NRXN1: variants seen among roughly 807,000 people sequenced by gnomAD.
NRXN1 encodes the protein neurexin-1.
Under a neutral mutation model 150.9 loss-of-function variants are expected in NRXN1, and 39 were observed. The observed-to-expected ratio is 0.26, with a 90% CI of 0.20 to 0.34. The LOEUF (loss-of-function observed/expected upper bound fraction) is 0.34, where lower values mean the gene tolerates loss of function less well. NRXN1 is among the 10% of genes least tolerant of loss of function. NRXN1 has a pLI of 1.00. For synonymous variants in NRXN1, 924 were observed against 757.0 expected, an observed-to-expected ratio of 1.22 and a Z score of -3.62; for missense variants, 1,815 against 1,949.9, an observed-to-expected ratio of 0.93 and a Z score of 1.30.
chr2:50,984,696 G>T (rs1697412237), intron 2 of NRXN1, among the ~76,000 whole-genome samples: 1 of 151,990 alleles, frequency 6.6e-6, no homozygotes, highest in African/African-American at 2.4e-5. Context: ...ATATTGCCCT[G>T]TATCTTTAAT....
chr2:49,975,047 C>T (rs1678705875), intron 21 of NRXN1, among the ~76,000 whole-genome samples: 4 of 151,056 alleles, frequency 2.6e-5, no homozygotes, highest in Admixed American at 1.3e-4. Context: ...ACTGTAATAA[C>T]AGATATGTTT....
chr2:50,606,158 A>C (rs1573757603), intron 8 of NRXN1, among the ~76,000 whole-genome samples: 1 of 151,350 alleles, frequency 6.6e-6, no homozygotes, highest in South Asian at 2.1e-4. Context: ...GCTGAGGCAG[A>C]AGAATGGTTG....
chr2:50,405,068 C>A (rs1381759927), intron 17 of NRXN1, among the ~76,000 whole-genome samples: 2 of 152,092 alleles, frequency 1.3e-5, no homozygotes, highest in Non-Finnish European at 2.9e-5. Context: ...AAGAGGGGAG[C>A]TTAAAAATGA....
intron 17 of NRXN1, among the ~76,000 whole-genome samples, chr2:50,398,594 G>T (rs2082194702): frequency 6.6e-6 from 1 of 152,138 alleles, no homozygotes; most frequent in Non-Finnish European, 1.5e-5. Flanking sequence ...ATAAAACTGG[G>T]AAGGAGCTTC....
chr2:50,331,743 A>G (rs1280578783), intron 17 of NRXN1, among the ~76,000 whole-genome samples: 1 of 152,184 alleles, frequency 6.6e-6, no homozygotes, highest in Non-Finnish European at 1.5e-5. Flanking sequence ...CTCTGAATAG[A>G]AACCATCACT....
At chr2:50,564,836 CAT>C (rs1450247344) in intron 8 of NRXN1, among the ~76,000 whole-genome samples, 7 of 152,158 alleles carry the variant, frequency 4.6e-5, no homozygotes, top group African/African-American at 1.2e-4. Context: ...GAAAGTCCCA[CAT>C]GATTCAGATG....
intron 21 of NRXN1, among the ~76,000 whole-genome samples, chr2:49,954,313 G>C (rs2104483011): frequency 6.9e-6 from 1 of 145,646 alleles, no homozygotes; most frequent in East Asian, 2.1e-4. Flanking sequence ...TAACTTACAA[G>C]GTAGGTAGCA....
chr2:50,545,303 C>T (rs1045376098), intron 9 of NRXN1, among the ~76,000 whole-genome samples: 1 of 152,150 alleles, frequency 6.6e-6, no homozygotes, highest in Non-Finnish European at 1.5e-5. Context: ...TAAACATGAT[C>T]ATACACAATG....
At chr2:49,985,342 A>AG (rs1215732573) in intron 21 of NRXN1, among the ~76,000 whole-genome samples, 1 of 152,196 alleles carries the variant, frequency 6.6e-6, no homozygotes, top group Non-Finnish European at 1.5e-5. Context: ...TCACCGTGGA[A>AG]GAAATTAGTG....
At chr2:50,164,544 G>A (rs1056819137) in intron 18 of NRXN1, among the ~76,000 whole-genome samples, 2 of 152,158 alleles carry the variant, frequency 1.3e-5, no homozygotes, top group Non-Finnish European at 2.9e-5. Context: ...TTGAACTGAA[G>A]TGTCACATTG....
intron 2 of NRXN1, among the ~76,000 whole-genome samples, chr2:50,929,855 C>T (rs998509516): frequency 2.6e-5 from 4 of 152,004 alleles, no homozygotes; most frequent in African/African-American, 9.7e-5. Context: ...CAGTGAAAGC[C>T]TTTAAAAAAC....
chr2:50,989,175 T>C (rs1698169250), intron 2 of NRXN1, among the ~76,000 whole-genome samples: 1 of 151,984 alleles, frequency 6.6e-6, no homozygotes, highest in African/African-American at 2.4e-5. Flanking sequence ...TTTTGAAATT[T>C]ATGAAGGTTT....
intron 5 of NRXN1, among the ~76,000 whole-genome samples, chr2:50,849,312 TTC>T (rs1360819775): frequency 6.6e-6 from 1 of 152,176 alleles, no homozygotes; most frequent in African/African-American, 2.4e-5. Context: ...TGTAAATTCT[TTC>T]TGTGTTCCCT....
intron 5 of NRXN1, among the ~76,000 whole-genome samples, chr2:50,783,508 C>A (rs975144774): frequency 3.9e-5 from 6 of 152,020 alleles, no homozygotes; most frequent in African/African-American, 1.4e-4. Flanking sequence ...TCAGGGTATT[C>A]TTTTTATTTT....
chr2:50,052,215 T>A (rs1415255027), intron 21 of NRXN1, among the ~76,000 whole-genome samples: 2 of 152,130 alleles, frequency 1.3e-5, no homozygotes, highest in Non-Finnish European at 2.9e-5. Flanking sequence ...CAAATTTAAA[T>A]ATAATTATCA....
At chr2:50,021,347 CTATATATAGCTAG>C (rs1687537247) in intron 21 of NRXN1, among the ~76,000 whole-genome samples, 1 of 152,072 alleles carries the variant, frequency 6.6e-6, no homozygotes, top group African/African-American at 2.4e-5. Context: ...CCTGGGCACA[CTATATATAGCTAG>C]TATAGCAGGA....
intron 8 of NRXN1, among the ~76,000 whole-genome samples, chr2:50,617,097 T>C (rs1006340533): frequency 6.6e-6 from 1 of 152,144 alleles, no homozygotes; most frequent in Non-Finnish European, 1.5e-5. Flanking sequence ...GCCTTCTAAA[T>C]AGATAATGGT....
chr2:50,471,068 C>A (rs538750610), intron 16 of NRXN1, among the ~76,000 whole-genome samples: 2 of 151,648 alleles, frequency 1.3e-5, no homozygotes, highest in African/African-American at 4.8e-5. Context: ...TTGTTATATG[C>A]TATTGGATAT....
intron 8 of NRXN1, among the ~76,000 whole-genome samples, chr2:50,574,594 A>C (rs1030197483): frequency 1.3e-5 from 2 of 152,194 alleles, no homozygotes; most frequent in Non-Finnish European, 2.9e-5. Context: ...AGGTCTCCTA[A>C]CGTCTACCTA....
Sources: allele counts gnomAD v4.1 joint callset (sites outside exome capture counted in the v4.1 genomes callset), GRCh38; gene constraint gnomAD v4.1.1; transcripts MANE v1.5; gene names NCBI Gene and HGNC (gene_info 2026-07-23, HGNC 2026-07-21).